SPOCK3: variants seen among roughly 807,000 people sequenced by gnomAD.
SPOCK3 encodes the protein SPARC (osteonectin), cwcv and kazal like domains proteoglycan 3.
Under a neutral mutation model 56.6 loss-of-function variants are expected in SPOCK3, and 30 were observed. The ratio of observed to expected loss-of-function variants is 0.53; its 90% confidence interval spans 0.40 to 0.72. The LOEUF is 0.72. Among genes scored for constraint, SPOCK3 ranks in the 30% least tolerant of loss-of-function variants. The pLI is 0.00. For synonymous variants in SPOCK3, 196 were observed against 183.3 expected (o/e 1.07, Z -0.56); for missense variants, 527 against 530.0 (o/e 0.99, Z 0.06).
At chr4:166,765,890 A>T (rs1378135727) in intron 7 of SPOCK3, among the ~76,000 whole-genome samples, 3 of 152,172 alleles carry the variant, frequency 2.0e-5, no homozygotes, top group African/African-American at 7.2e-5. Flanking sequence ...TTCTCCTTGA[A>T]GAGGTCCTTC....
intron 4 of SPOCK3, among the ~76,000 whole-genome samples, chr4:166,954,268 GTTAA>G (rs1371437505): frequency 2.0e-5 from 3 of 152,044 alleles, no homozygotes; most frequent in African/African-American, 7.2e-5. Flanking sequence ...TATTCAGTCT[GTTAA>G]TTGTTTCCTT....
chr4:166,820,650 C>T (rs899380517), intron 6 of SPOCK3, among the ~76,000 whole-genome samples: 20 of 151,948 alleles, frequency 1.3e-4, no homozygotes, highest in African/African-American at 4.1e-4. Flanking sequence ...CATGGCAAAA[C>T]CCCATCTCTA....
chr4:166,860,802 C>CATATATATATATATATATATGTATATAT, intron 6 of SPOCK3, among the ~76,000 whole-genome samples: 4 of 101,938 alleles, frequency 3.9e-5, no homozygotes, highest in Non-Finnish European at 8.1e-5. Context: ...CACACAAATT[C>CATATATATATATATATATATGTATATAT]ATATATATAT....
intron 2 of SPOCK3, among the ~76,000 whole-genome samples, chr4:167,217,466 G>T (rs1455625574): frequency 1.3e-5 from 2 of 151,956 alleles, no homozygotes; most frequent in Non-Finnish European, 2.9e-5. Context: ...GTAATTTAAA[G>T]TGTATTGGAG....
At chr4:166,926,188 G>T (rs1354932735) in intron 4 of SPOCK3, among the ~76,000 whole-genome samples, 1 of 152,044 alleles carries the variant, frequency 6.6e-6, no homozygotes, top group African/African-American at 2.4e-5. Flanking sequence ...CCTTTGACCG[G>T]AGTGAAACAC....
At chr4:167,080,666 C>A (rs1288808182) in intron 2 of SPOCK3, among the ~76,000 whole-genome samples, 1 of 151,818 alleles carries the variant, frequency 6.6e-6, no homozygotes, top group Admixed American at 6.6e-5. Context: ...GCAACAGAGG[C>A]CATGCAATTT....
At chr4:166,982,734 G>A (rs1189377264) in intron 4 of SPOCK3, among the ~76,000 whole-genome samples, 1 of 151,982 alleles carries the variant, frequency 6.6e-6, no homozygotes, top group African/African-American at 2.4e-5. Flanking sequence ...ATACCTTTGA[G>A]TCACTAAATG....
intron 4 of SPOCK3, among the ~76,000 whole-genome samples, chr4:166,958,294 T>G (rs1178765491): frequency 6.6e-6 from 1 of 152,200 alleles, no homozygotes; most frequent in East Asian, 1.9e-4. Context: ...CTGCCATGAT[T>G]TGAAGCTTCC....
intron 2 of SPOCK3, among the ~76,000 whole-genome samples, chr4:167,115,134 A>G (rs996591576): frequency 6.6e-6 from 1 of 152,244 alleles, no homozygotes; most frequent in East Asian, 1.9e-4. Flanking sequence ...GGGAGACTGA[A>G]GTTTATGAGC....
At chr4:167,161,529 C>T (rs552369180) in intron 2 of SPOCK3, among the ~76,000 whole-genome samples, 5 of 152,262 alleles carry the variant, frequency 3.3e-5, no homozygotes. Flanking sequence ...ACCCAGCCAT[C>T]CCATTACTGG....
At chr4:166,833,996 C>T (rs1259825947) in intron 6 of SPOCK3, among the ~76,000 whole-genome samples, 2 of 152,158 alleles carry the variant, frequency 1.3e-5, no homozygotes, top group African/African-American at 4.8e-5. Flanking sequence ...CTGGCTAAGA[C>T]GGTTTCCAAT....
At position 166,835,662 on chromosome 4, in the gene SPOCK3, T is replaced by G. The variant is rs1746531203; in HGVS notation, c.590-43373A>C. The stretch of plus-strand genomic sequence containing the variant: ...AACGTTGTTTATCCTTTGTAGACAC[T>G]TTTTCTTCATCACCAGAGGAATTTC... On this transcript the variant is annotated intron_variant, in intron 6 of 10. Coordinates refer to ENST00000357545, the MANE Select transcript of SPOCK3 (RefSeq NM_001040159.2). 2.0e-5 allele frequency among the ~76,000 whole-genome samples: 3 copies of G among 152,294 alleles called. No individual in the cohort carries two copies. In the South Asian group the frequency reaches 6.2e-4, roughly 32 times the overall value.
intron 2 of SPOCK3, chr4:167,119,869 T>C: frequency 6.6e-7 from 1 of 1,525,086 alleles, no homozygotes; most frequent in Non-Finnish European, 8.8e-7. Context: ...ATCGTTTTTC[T>C]TCTTACTAAT....
intron 2 of SPOCK3, among the ~76,000 whole-genome samples, chr4:167,155,017 T>G (rs987262795): frequency 3.3e-5 from 5 of 152,162 alleles, no homozygotes; most frequent in African/African-American, 1.2e-4. Context: ...TGTTAAATCA[T>G]TCATCCAAGT....
intron 2 of SPOCK3, among the ~76,000 whole-genome samples, chr4:167,172,176 G>C (rs1052621388): frequency 6.6e-6 from 1 of 152,174 alleles, no homozygotes; most frequent in African/African-American, 2.4e-5. Flanking sequence ...GCCAGACATA[G>C]CAAGGGCCAG....
chr4:166,767,608 A>T (rs1408473574), intron 7 of SPOCK3, among the ~76,000 whole-genome samples: 1 of 152,160 alleles, frequency 6.6e-6, no homozygotes, highest in Non-Finnish European at 1.5e-5. Flanking sequence ...TTTCCTTCCA[A>T]CTAAGTGGTG....
At chr4:167,169,079 T>C (rs1182625066) in intron 2 of SPOCK3, among the ~76,000 whole-genome samples, 1 of 152,158 alleles carries the variant, frequency 6.6e-6, no homozygotes, top group Non-Finnish European at 1.5e-5. Flanking sequence ...AGAGGATGTA[T>C]GGAAATGCCT....
intron 4 of SPOCK3, among the ~76,000 whole-genome samples, chr4:166,963,878 ATG>A (rs1312442295): frequency 6.6e-6 from 1 of 151,918 alleles, no homozygotes; most frequent in Non-Finnish European, 1.5e-5. Flanking sequence ...ATTAGATATC[ATG>A]AGTCAGTGGG....
chr4:166,773,274 T>A (rs1261282400), intron 7 of SPOCK3, among the ~76,000 whole-genome samples: 1 of 152,210 alleles, frequency 6.6e-6, no homozygotes, highest in Admixed American at 6.6e-5. Context: ...AAGGAAAATC[T>A]TTTTAAGCAA....
Sources: allele counts gnomAD v4.1 joint callset (sites outside exome capture counted in the v4.1 genomes callset), GRCh38; gene constraint gnomAD v4.1.1; transcripts MANE v1.5; gene names NCBI Gene and HGNC (gene_info 2026-07-23, HGNC 2026-07-21).